PCCA: variants seen among roughly 807,000 people sequenced by gnomAD.
The protein encoded by PCCA is propionyl-CoA carboxylase subunit alpha.
Under a neutral mutation model 101.3 loss-of-function variants are expected in PCCA, and 74 were observed. The observed-to-expected ratio is 0.73, with a 90% confidence interval of 0.61 to 0.89. PCCA has a LOEUF of 0.89. Ranked by LOEUF, PCCA falls within the 40% of genes least tolerant of loss-of-function variation. The pLI is 0.00. For missense variants in PCCA, 891 were observed against 907.0 expected (o/e 0.98, Z 0.23); for synonymous variants, 294 against 313.6 (o/e 0.94, Z 0.66).
At chr13:100,148,512 G>A (rs2052877176) in intron 4 of PCCA, among the ~76,000 whole-genome samples, 1 of 145,124 alleles carries the variant, frequency 6.9e-6, no homozygotes, top group Admixed American at 7.4e-5. Context: ...CTCTTGCTAA[G>A]GTTTTGCTTG....
intron 8 of PCCA, among the ~76,000 whole-genome samples, chr13:100,246,145 TTTGGTTGACAATAC>T (rs2061414261): frequency 6.6e-6 from 1 of 152,144 alleles, no homozygotes. Context: ...CAAGTCAGCT[TTTGGTTGACAATAC>T]TTACAACAGT....
intron 18 of PCCA, among the ~76,000 whole-genome samples, chr13:100,359,844 T>TA (rs1209162803): frequency 1.3e-5 from 2 of 152,082 alleles, no homozygotes; most frequent in African/African-American, 4.8e-5. Context: ...GAAGAGAAAA[T>TA]ATTAAGATGT....
At chr13:100,403,257 A>G (rs118037146) in intron 19 of PCCA, among the ~76,000 whole-genome samples, 517 of 152,308 alleles carry the variant, frequency 3.4e-3, no homozygotes, top group Non-Finnish European at 6.2e-3. Context: ...GAGAGATGTC[A>G]GGTAATAGTT....
chr13:100,479,068 C>G (rs1185888940), intron 21 of PCCA, among the ~76,000 whole-genome samples: 2 of 152,192 alleles, frequency 1.3e-5, no homozygotes, highest in Non-Finnish European at 2.9e-5. Flanking sequence ...AGATAATCAT[C>G]AGTCATAGCC....
intron 19 of PCCA, among the ~76,000 whole-genome samples, chr13:100,391,720 G>C (rs545119793): frequency 1.3e-5 from 2 of 152,242 alleles, no homozygotes; most frequent in South Asian, 4.1e-4. Flanking sequence ...TATAAAGTAT[G>C]TTCTAGGGAA....
At chr13:100,089,950 T>A (rs566738586) in intron 1 of PCCA, among the ~76,000 whole-genome samples, 1 of 152,294 alleles carries the variant, frequency 6.6e-6, no homozygotes, top group African/African-American at 2.4e-5. Context: ...GAGCTCTGTC[T>A]CCAGTCAATG....
chr13:100,249,579 A>G (rs1277277081), intron 8 of PCCA, among the ~76,000 whole-genome samples: 1 of 152,132 alleles, frequency 6.6e-6, no homozygotes, highest in Non-Finnish European at 1.5e-5. Context: ...CTTTCCATAT[A>G]AACTTTAGAA....
At chr13:100,511,883 T>C (rs899293350) in intron 21 of PCCA, among the ~76,000 whole-genome samples, 5 of 152,196 alleles carry the variant, frequency 3.3e-5, no homozygotes, top group African/African-American at 1.2e-4. Context: ...AGGAGGTGCA[T>C]GTACTGTACA....
chr13:100,177,152 C>A (rs2056319222), intron 6 of PCCA, among the ~76,000 whole-genome samples: 1 of 152,160 alleles, frequency 6.6e-6, no homozygotes, highest in African/African-American at 2.4e-5. Context: ...TCTTCCAAGT[C>A]AGTAAAAATT....
intron 12 of PCCA, among the ~76,000 whole-genome samples, chr13:100,277,104 C>G (rs1479278591): frequency 1.3e-5 from 2 of 152,132 alleles, no homozygotes; most frequent in East Asian, 3.9e-4. Context: ...AAGTGTAAGG[C>G]TCCTTGAACT....
chr13:100,434,248 C>T (rs1197881949), intron 20 of PCCA, among the ~76,000 whole-genome samples: 3 of 152,232 alleles, frequency 2.0e-5, no homozygotes, highest in African/African-American at 7.2e-5. Flanking sequence ...GAGAGGAATT[C>T]TGATGTCTGT....
At chr13:100,432,014 A>G (rs1207936098) in intron 20 of PCCA, among the ~76,000 whole-genome samples, 1 of 152,144 alleles carries the variant, frequency 6.6e-6, no homozygotes, top group Non-Finnish European at 1.5e-5. Flanking sequence ...GACCTGTAAC[A>G]TGGTGAAACC....
chr13:100,221,852 C>T (rs2059833550), intron 7 of PCCA, among the ~76,000 whole-genome samples: 2 of 150,802 alleles, frequency 1.3e-5, no homozygotes, highest in Non-Finnish European at 2.9e-5. Context: ...ATTCTCCTGC[C>T]TCAGCCTCCC....
intron 8 of PCCA, among the ~76,000 whole-genome samples, chr13:100,256,922 C>T (rs2062113422): frequency 6.6e-6 from 1 of 152,146 alleles, no homozygotes; most frequent in Non-Finnish European, 1.5e-5. Flanking sequence ...TAACTGATGA[C>T]AATTTTATGA....
chr13:100,455,307 C>G (rs1184144704), intron 21 of PCCA, among the ~76,000 whole-genome samples: 1 of 152,132 alleles, frequency 6.6e-6, no homozygotes, highest in African/African-American at 2.4e-5. Context: ...CTGTGTTACT[C>G]CCATTCTGTC....
intron 21 of PCCA, among the ~76,000 whole-genome samples, chr13:100,507,512 C>T (rs961525999): frequency 6.6e-6 from 1 of 152,166 alleles, no homozygotes; most frequent in Admixed American, 6.5e-5. Context: ...GCTTCCTAGA[C>T]GCTAGCTCTT....
intron 4 of PCCA, among the ~76,000 whole-genome samples, chr13:100,116,023 C>G (rs987982842): frequency 1.3e-5 from 2 of 152,096 alleles, no homozygotes; most frequent in African/African-American, 4.8e-5. Flanking sequence ...ACAGTAGGGT[C>G]AAATCTGCTA....
At chr13:100,289,319 T>C (rs1382846848) in intron 12 of PCCA, among the ~76,000 whole-genome samples, 1 of 152,110 alleles carries the variant, frequency 6.6e-6, no homozygotes, top group Non-Finnish European at 1.5e-5. Flanking sequence ...ATTATGTGTG[T>C]ATGTGTATTT....
At chr13:100,328,232 G>A (rs991136545) in intron 16 of PCCA, among the ~76,000 whole-genome samples, 7 of 151,946 alleles carry the variant, frequency 4.6e-5, no homozygotes, top group Non-Finnish European at 8.8e-5. Flanking sequence ...GTGTGGTGGC[G>A]TGTTCCTGTA....
Sources: allele counts gnomAD v4.1 joint callset (sites outside exome capture counted in the v4.1 genomes callset), GRCh38; gene constraint gnomAD v4.1.1; transcripts MANE v1.5; gene names NCBI Gene and HGNC (gene_info 2026-07-23, HGNC 2026-07-21).